TMEM65: variants seen among roughly 807,000 people sequenced by gnomAD.
TMEM65 encodes the protein transmembrane protein 65.
A neutral mutation model predicts 25.4 loss-of-function variants in TMEM65; 22 were observed. That is an observed-to-expected ratio of 0.86 (90% CI 0.62 to 1.23). The LOEUF is 1.23. TMEM65 is among the 50% of genes most tolerant of loss of function. TMEM65 has a pLI of 0.00. For missense variants in TMEM65, 262 were observed against 308.2 expected (o/e 0.85, Z 1.12); for synonymous variants, 132 against 126.2 (o/e 1.05, Z -0.31).
At chr8:124,326,433 C>T (rs1009417377) in intron 3 of TMEM65, among the ~76,000 whole-genome samples, 2 of 151,870 alleles carry the variant, frequency 1.3e-5, no homozygotes, top group Non-Finnish European at 2.9e-5. Context: ...ATGGCATTTT[C>T]ATAATATGTA....
At chr8:124,327,449 T>G in intron 2 of TMEM65, 28 bp from the exon 3 acceptor site, 1 of 1,450,460 alleles carries the variant, frequency 6.9e-7, no homozygotes, top group Non-Finnish European at 9.4e-7. Context: ...CAGAAAAATA[T>G]ATTTTAAGAT....
intron 1 of TMEM65, among the ~76,000 whole-genome samples, chr8:124,363,357 T>C (rs764360958): frequency 2.5e-4 from 38 of 152,242 alleles, no homozygotes; most frequent in Non-Finnish European, 4.0e-4. Flanking sequence ...TGGTATGTTA[T>C]CAGTCCTAAT....
rs144957064 is a variant in TMEM65 at position 124,318,363 on chromosome 8, G to GTTTTTTTTTTTTTTTT, written c.621+1722_621+1723insAAAAAAAAAAAAAAAA. Among the ~76,000 whole-genome samples, 15 of 73,840 alleles carry GTTTTTTTTTTTTTTTT rather than the reference G, an allele frequency of 2.0e-4. 5 individuals carry two copies. The highest frequency in any genetic ancestry group is 8.4e-4 in the African/African-American group (15 of 17,868). The allele number at this position is 73,840 out of a possible 152,430, so 48.4% of individuals were successfully genotyped here. On this transcript the variant is annotated intron_variant, in intron 6 of 6. Transcript: ENST00000297632. ...TTGTTTTAAGCTGCTGAATTTGCAT[G>GTTTTTTTTTTTTTTTT]TTTTTGTTTTTTTTTTTTTTTTTTT...
chr8:124,317,847 A>AGGGTCTACT, intron 6 of TMEM65, among the ~76,000 whole-genome samples: 1 of 152,262 alleles, frequency 6.6e-6, no homozygotes, highest in African/African-American at 2.4e-5. Context: ...ATGTTGTGAG[A>AGGGTCTACT]GGGTCTACTG....
chr8:124,363,206 A>C (rs997909155), intron 1 of TMEM65, among the ~76,000 whole-genome samples: 2 of 152,208 alleles, frequency 1.3e-5, no homozygotes, highest in African/African-American at 4.8e-5. Context: ...ATAAGAAACA[A>C]GCTTATCTGG....
rs547947701 is a variant in TMEM65, at chr8:124,320,177, A to G, written c.530T>C (p.Val177Ala). The G allele has an allele frequency of 1.2e-6, 2 of 1,612,798 alleles. No homozygotes were observed. The highest frequency in any genetic ancestry group is 1.7e-6 in the Non-Finnish European group (2 of 1,179,120). ...GCCTAACCTGGAAGCCAATGCTTCA[A>G]CGTAGCCTGCAAGTCTTTGAAGAAA... Reference protein sequence around the residue: ...DLAGLGLAGYVEALASRLGLS... With the variant: ...DLAGLGLAGYAEALASRLGLS... Residue 177 changes from valine to alanine, a missense_variant, in exon 6 of 7, where the codon GTT becomes GCT. By Grantham distance (64) the Val-to-Ala change is moderately conservative (BLOSUM62 0). Transcript: ENST00000297632.
chr8:124,316,972 C>T (rs1012914132), intron 6 of TMEM65, among the ~76,000 whole-genome samples: 1 of 152,148 alleles, frequency 6.6e-6, no homozygotes, highest in Non-Finnish European at 1.5e-5. Flanking sequence ...TGTTTCTCCA[C>T]ACTCTTCCTA....
rs1181553063 is a variant in TMEM65 at position 124,307,397 on chromosome 8, G to A, written c.*6563C>T. The A allele has an allele frequency of 2.0e-5, 3 of 152,230 alleles. No homozygotes were observed. In the East Asian group the frequency reaches 5.8e-4, roughly 29 times the overall value. The allele number at this position is 152,230 out of a possible 1,614,324, so 9.4% of individuals were successfully genotyped here. On this transcript the variant is annotated 3_prime_UTR_variant, in exon 7 of 7. Coordinates refer to ENST00000297632, the MANE Select transcript of TMEM65 (RefSeq NM_194291.3). The stretch of plus-strand genomic sequence containing the variant: ...TAAATTGCTTGATGTGTACTGGTCT[G>A]CAGCTGTAGTTGCCCATCCTTCAAG...
chr8:124,329,502 A>C (rs549037370), intron 2 of TMEM65, among the ~76,000 whole-genome samples: 10 of 152,072 alleles, frequency 6.6e-5, no homozygotes, highest in African/African-American at 2.4e-4. Flanking sequence ...AAGCCCATTA[A>C]GTTAAGATTA....
chr8:124,366,511 T>G (rs898665276), intron 1 of TMEM65, among the ~76,000 whole-genome samples: 2 of 152,188 alleles, frequency 1.3e-5, no homozygotes, highest in African/African-American at 4.8e-5. Context: ...AGCATCCAGC[T>G]GAGCCCTGCC....
chr8:124,367,496 A>G (rs562447415), intron 1 of TMEM65, among the ~76,000 whole-genome samples: 2 of 152,320 alleles, frequency 1.3e-5, no homozygotes, highest in Admixed American at 1.3e-4. Flanking sequence ...AATTTAAGAA[A>G]AGAATTTCTA....
intron 3 of TMEM65, among the ~76,000 whole-genome samples, chr8:124,324,188 C>T (rs1814339074): frequency 6.6e-6 from 1 of 152,034 alleles, no homozygotes; most frequent in South Asian, 2.1e-4. Context: ...GATGCTTGAA[C>T]ATTTCTAAAA....
chr8:124,362,920 C>T (rs186303459), intron 1 of TMEM65, among the ~76,000 whole-genome samples: 2 of 152,218 alleles, frequency 1.3e-5, no homozygotes, highest in East Asian at 3.9e-4. Context: ...CCATCTCATG[C>T]TATCTATTAG....
chr8:124,367,693 T>C (rs929026466), intron 1 of TMEM65, among the ~76,000 whole-genome samples: 59 of 152,372 alleles, frequency 3.9e-4, no homozygotes, highest in African/African-American at 1.3e-3. Context: ...TCTTATACTA[T>C]ATGGCAAGTT....
intron 1 of TMEM65, among the ~76,000 whole-genome samples, chr8:124,333,626 C>T (rs945218715): frequency 6.6e-6 from 1 of 152,112 alleles, no homozygotes; most frequent in Non-Finnish European, 1.5e-5. Flanking sequence ...TGAGTAACCT[C>T]TTATCAGAGG....
intron 1 of TMEM65, among the ~76,000 whole-genome samples, chr8:124,335,823 A>C (rs1193623437): frequency 2.0e-5 from 3 of 152,072 alleles, no homozygotes; most frequent in African/African-American, 7.2e-5. Flanking sequence ...GAAAACAGAA[A>C]CAAAAAACAG....
At chr8:124,314,265 C>CG (rs1438140119) in intron 6 of TMEM65, among the ~76,000 whole-genome samples, 14 of 152,176 alleles carry the variant, frequency 9.2e-5, no homozygotes, top group Non-Finnish European at 1.6e-4. Context: ...TTCCTCAATC[C>CG]GTACCCCTGC....
chr8:124,333,223 C>A (rs997180549), intron 1 of TMEM65, among the ~76,000 whole-genome samples: 3 of 151,406 alleles, frequency 2.0e-5, no homozygotes, highest in African/African-American at 7.3e-5. Context: ...TGTAAATCAG[C>A]CCAAGGTTTC....
At chr8:124,361,090 C>G (rs542396923) in intron 1 of TMEM65, among the ~76,000 whole-genome samples, 2 of 152,258 alleles carry the variant, frequency 1.3e-5, no homozygotes, top group South Asian at 4.1e-4. Context: ...TGATACAAAA[C>G]AGTTCAAGAC....
Sources: gnomAD v4.1 joint callset for allele counts (sites outside exome capture counted in the v4.1 genomes callset) on GRCh38, gnomAD v4.1.1 for gene constraint, MANE v1.5 for transcripts, NCBI Gene and HGNC (gene_info 2026-07-23, HGNC 2026-07-21) for gene names.